Variants in HSP90AA1 observed in about 807,000 individuals in gnomAD.
HSP90AA1 encodes heat shock protein 90 alpha family class A member 1, also known as heat shock protein HSP 90-alpha.
A neutral mutation model predicts 73.3 loss-of-function variants in HSP90AA1; 18 were observed. That is an observed-to-expected ratio of 0.25 (90% CI 0.17 to 0.36). The LOEUF is 0.36. Among genes scored for constraint, HSP90AA1 ranks in the 10% least tolerant of loss-of-function variants. The pLI is 1.00. For missense variants in HSP90AA1, 704 were observed against 874.2 expected (o/e 0.81, Z 2.45); for synonymous variants, 477 against 296.9 (o/e 1.61, Z -6.24).
rs137920542 is a variant in HSP90AA1, at chr14:102,111,273, G to A, written c.156-9188C>T. On this transcript the variant is annotated intron_variant, in intron 1 of 11. Coordinates refer to the HSP90AA1 transcript ENST00000334701. ...CTAGAAGGAAAAAATGGTTTTATGG[G>A]CCGGGCCCAGGGCCCCCTTGCTCTG... Among the ~76,000 whole-genome samples the A allele has an allele frequency of 3.0e-4, 46 of 152,298 alleles. 1 individual carries two copies. In the East Asian group the frequency reaches 7.1e-3, roughly 24 times the overall value.
At chr14:102,115,721 G>A (rs996685993) in intron 1 of HSP90AA1, among the ~76,000 whole-genome samples, 1 of 151,820 alleles carries the variant, frequency 6.6e-6, no homozygotes, top group Non-Finnish European at 1.5e-5. Flanking sequence ...CTCCAGCCTG[G>A]GTGACAGAGC....
intron 2 of HSP90AA1, among the ~76,000 whole-genome samples, chr14:102,100,516 C>A (rs2049479700): frequency 6.6e-6 from 1 of 151,928 alleles, no homozygotes; most frequent in Non-Finnish European, 1.5e-5. Context: ...ACCTCCGCCT[C>A]CCGGGTTCAA....
intron 1 of HSP90AA1, among the ~76,000 whole-genome samples, chr14:102,129,054 A>G (rs948317953): frequency 2.6e-5 from 4 of 152,182 alleles, no homozygotes; most frequent in South Asian, 2.1e-4. Context: ...AAACAACCTA[A>G]TAAGTAGTTA....
intron 1 of HSP90AA1, among the ~76,000 whole-genome samples, chr14:102,138,039 G>A (rs2050058291): frequency 6.6e-6 from 1 of 151,338 alleles, no homozygotes. Context: ...CTAAACCAAA[G>A]GCTATGCATG....
At chr14:102,105,048 A>T (rs1487107257) in intron 1 of HSP90AA1, among the ~76,000 whole-genome samples, 1 of 150,886 alleles carries the variant, frequency 6.6e-6, no homozygotes, top group African/African-American at 2.4e-5. Context: ...AAAAAAAAAA[A>T]AAAAAAAAAT....
chr14:102,103,863 G>C (rs1378241653), intron 1 of HSP90AA1, among the ~76,000 whole-genome samples: 1 of 151,758 alleles, frequency 6.6e-6, no homozygotes, highest in Non-Finnish European at 1.5e-5. Context: ...AATTAGCCAG[G>C]TGTGGCGGTG....
At position 102,093,015 on chromosome 14, in the gene HSP90AA1, G is replaced by T. The variant is rs371631367; in HGVS notation, c.367-6637C>A. Among the ~76,000 whole-genome samples, 556 of 151,990 alleles carry T rather than the reference G, an allele frequency of 3.7e-3. 17 individuals carry two copies. The South Asian group carries it at 0.057, about 15-fold the overall frequency. On this transcript the variant is annotated intron_variant, in intron 2 of 11. Transcript: ENST00000334701. ...CTGCCTCGGCCTCCCAAAATGCTGGGGTTACGGGCGTGAACCACCGCGCCC... is the reference window on the plus strand; with the variant it reads ...CTGCCTCGGCCTCCCAAAATGCTGGTGTTACGGGCGTGAACCACCGCGCCC...
In HSP90AA1 at chr14:102,083,943, T is replaced by C. The variant is rs780268528; in HGVS notation, c.1188A>G (p.Leu396=). 6.2e-7 allele frequency: 1 copy of C among 1,614,118 alleles called. No individual in the cohort carries two copies. Reference sequence around the variant, plus strand: ...GTTGCAACATCTCACGGGATATGTTTAGAGGGAGATCCTCCGAGTCTACCA... The same window carrying C: ...GTTGCAACATCTCACGGGATATGTTCAGAGGGAGATCCTCCGAGTCTACCA... ...RGVVDSEDLP[L]NISREMLQQS... The change falls in exon 7 of 11, where the codon CTA becomes CTG. Residue 396 remains leucine, a synonymous_variant. Transcript: ENST00000216281.
At chr14:102,126,880 C>A (rs955241455) in intron 1 of HSP90AA1, among the ~76,000 whole-genome samples, 1 of 152,162 alleles carries the variant, frequency 6.6e-6, no homozygotes, top group South Asian at 2.1e-4. Context: ...CAATCAGTAA[C>A]TCCTAAAATG....
intron 2 of HSP90AA1, among the ~76,000 whole-genome samples, chr14:102,101,276 C>A (rs2049490117): frequency 1.3e-5 from 2 of 152,216 alleles, no homozygotes; most frequent in Non-Finnish European, 2.9e-5. Context: ...TAACCAGAGG[C>A]CAGAGTGACG....
rs912102168 is a variant in HSP90AA1 at position 102,084,410 on chromosome 14, G to A, written c.1136C>T (p.Pro379Leu). The A allele has an allele frequency of 3.1e-6, 5 of 1,612,076 alleles. No homozygotes were observed. In the Admixed American group the frequency reaches 5.0e-5, roughly 16 times the overall value. ...CTATCTATACTTACTCAGATATTCAGGGATTAGCTCCTCACAGTTATCCAT... is the reference window on the plus strand; with the variant it reads ...CTATCTATACTTACTCAGATATTCAAGGATTAGCTCCTCACAGTTATCCAT... The part of the protein sequence containing the change: ...FIMDNCEELI[P>L]EYLNFIRGVV... The change falls in exon 6 of 11, where the codon CCT (proline) becomes CTT (leucine). Residue 379 changes from proline to leucine, a missense_variant. Pro to Leu is a moderately conservative substitution (Grantham distance 98). Transcript: ENST00000216281.
chr14:102,084,071 G>C, intron 6 of HSP90AA1, 88 bp from the exon 7 acceptor site: 1 of 1,023,924 alleles, frequency 9.8e-7, no homozygotes, highest in Admixed American at 1.9e-5. Context: ...ATAACCTGAA[G>C]ATGATGGGAC....
chr14:102,108,703 T>G (rs1040750796), intron 1 of HSP90AA1, among the ~76,000 whole-genome samples: 1 of 151,020 alleles, frequency 6.6e-6, no homozygotes, highest in Admixed American at 6.6e-5. Flanking sequence ...ACCCAGCTAA[T>G]TTTTTGTATT....
chr14:102,114,018 TTTTA>T (rs201443392), intron 1 of HSP90AA1, among the ~76,000 whole-genome samples: 3,345 of 151,744 alleles, frequency 0.022, 78 homozygotes, highest in South Asian at 0.1. Context: ...CCCCCATTTA[TTTTA>T]TTTATTTATT....
At chr14:102,109,987 G>A (rs996779634) in intron 1 of HSP90AA1, among the ~76,000 whole-genome samples, 1 of 152,148 alleles carries the variant, frequency 6.6e-6, no homozygotes, top group Non-Finnish European at 1.5e-5. Flanking sequence ...AGGCTGGAGT[G>A]CAGTGGTGCA....
chr14:102,113,618 T>A, intron 1 of HSP90AA1, among the ~76,000 whole-genome samples: 1 of 151,948 alleles, frequency 6.6e-6, no homozygotes, highest in Non-Finnish European at 1.5e-5. Flanking sequence ...TGACCTCAAG[T>A]GATCTGCCTG....
intron 2 of HSP90AA1, among the ~76,000 whole-genome samples, chr14:102,100,274 G>C (rs535248894): frequency 6.5e-4 from 99 of 152,278 alleles, no homozygotes; most frequent in African/African-American, 2.3e-3. Context: ...TCTCCCAGTG[G>C]TTTTTGAGGA....
intron 3 of HSP90AA1, 99 bp downstream of exon 3, chr14:102,085,659 C>G (rs2049212426): frequency 6.4e-7 from 1 of 1,566,624 alleles, no homozygotes; most frequent in Non-Finnish European, 8.8e-7. Flanking sequence ...GTTGGGCAAA[C>G]ACAAATTCTG....
chr14:102,132,816 C>T (rs1243157384), intron 1 of HSP90AA1, among the ~76,000 whole-genome samples: 1 of 150,918 alleles, frequency 6.6e-6, no homozygotes, highest in Non-Finnish European at 1.5e-5. Context: ...AAGAATTTAG[C>T]TGGCGTGGTG....
Sources: allele counts gnomAD v4.1 joint callset (sites outside exome capture counted in the v4.1 genomes callset), GRCh38; gene constraint gnomAD v4.1.1; transcripts MANE v1.5; gene names NCBI Gene and HGNC (gene_info 2026-07-23, HGNC 2026-07-21).